The following ROBO1 variants were observed in gnomAD, a reference collection of about 807,000 sequenced individuals.
ROBO1 encodes roundabout homolog 1.
In ROBO1, 149 loss-of-function variants were observed where a neutral mutation model predicts 195.9. The ratio of observed to expected loss-of-function variants is 0.76; its 90% CI spans 0.67 to 0.87. The LOEUF is 0.87. Among genes scored for constraint, ROBO1 ranks in the 40% least tolerant of loss-of-function variants. The pLI, the probability that ROBO1 is intolerant of heterozygous loss-of-function variation, is 0.00. For missense variants in ROBO1, 1,933 were observed against 2,068.3 expected (o/e 0.93, Z 1.27); for synonymous variants, 816 against 733.2 (o/e 1.11, Z -1.82).
At chr3:79,023,671 A>T (rs866649930) in intron 3 of ROBO1, among the ~76,000 whole-genome samples, 1,488 of 114,810 alleles carry the variant, frequency 0.013, 38 homozygotes, top group African/African-American at 0.045. Flanking sequence ...AATAGGGCCA[A>T]TTTTTTTTTT....
At chr3:78,684,521 T>G (rs1327014863) in intron 10 of ROBO1, among the ~76,000 whole-genome samples, 1 of 152,100 alleles carries the variant, frequency 6.6e-6, no homozygotes, top group Non-Finnish European at 1.5e-5. Flanking sequence ...CGTATTATAC[T>G]TCAGTTTACG....
intron 1 of ROBO1, among the ~76,000 whole-genome samples, chr3:79,607,799 A>G (rs1412269844): frequency 1.3e-5 from 2 of 151,956 alleles, no homozygotes; most frequent in Admixed American, 1.3e-4. Context: ...GTCTGTTCAA[A>G]TGCATACTCA....
At chr3:78,665,002 G>T (rs1707650191) in intron 14 of ROBO1, among the ~76,000 whole-genome samples, 1 of 152,126 alleles carries the variant, frequency 6.6e-6, no homozygotes, top group South Asian at 2.1e-4. Context: ...CCATACGGCA[G>T]TCTCTTAAAA....
chr3:78,781,825 T>C (rs987948580), intron 4 of ROBO1, among the ~76,000 whole-genome samples: 3 of 152,184 alleles, frequency 2.0e-5, no homozygotes, highest in African/African-American at 7.2e-5. Flanking sequence ...AAATCACATA[T>C]GATGTTTAAA....
chr3:79,633,529 A>G (rs1380420293), intron 1 of ROBO1, among the ~76,000 whole-genome samples: 2 of 151,882 alleles, frequency 1.3e-5, no homozygotes, highest in Non-Finnish European at 2.9e-5. Flanking sequence ...TGGAAGAAAA[A>G]CTTAATGAAA....
At position 79,057,408 on chromosome 3, in the gene ROBO1, C is replaced by T. The variant is rs142764470; in HGVS notation, c.172+68048G>A. On this transcript the variant is annotated intron_variant, in intron 3 of 30. Transcript: ENST00000464233. ...TCAAGCTTCATGTGAATACTGACAA[C>T]GAAAACCACAAGGAAAAGACATCCG... is the stretch of plus-strand genomic sequence containing the variant. 1.4e-4 allele frequency among the ~76,000 whole-genome samples: 21 copies of T among 152,070 alleles called. No individual in the cohort carries two copies. The East Asian group carries it at 2.9e-3, about 21-fold the overall frequency.
chr3:79,279,960 C>T (rs1255115207), intron 2 of ROBO1, among the ~76,000 whole-genome samples: 2 of 152,120 alleles, frequency 1.3e-5, no homozygotes, highest in Non-Finnish European at 2.9e-5. Flanking sequence ...ATGGATGGAA[C>T]TGAAGGGCAT....
At chr3:78,787,186 G>A (rs761724545) in intron 4 of ROBO1, among the ~76,000 whole-genome samples, 1 of 152,136 alleles carries the variant, frequency 6.6e-6, no homozygotes, top group African/African-American at 2.4e-5. Context: ...ATACTTTGAG[G>A]ATCACTGGCC....
intron 2 of ROBO1, among the ~76,000 whole-genome samples, chr3:79,537,137 T>A (rs950144914): frequency 6.6e-6 from 1 of 152,016 alleles, no homozygotes; most frequent in African/African-American, 2.4e-5. Flanking sequence ...TCAACACTTT[T>A]ATTTCCAAAG....
At chr3:78,639,952 T>TC in intron 21 of ROBO1, 54 bp from the exon 22 acceptor site, 1 of 1,354,758 alleles carries the variant, frequency 7.4e-7, no homozygotes, top group Non-Finnish European at 9.9e-7. Flanking sequence ...GAGTAATATT[T>TC]TCTATTTAAA....
intron 1 of ROBO1, among the ~76,000 whole-genome samples, chr3:79,641,207 T>C (rs1306110271): frequency 6.6e-6 from 1 of 152,148 alleles, no homozygotes; most frequent in Non-Finnish European, 1.5e-5. Flanking sequence ...TAGACATTTA[T>C]TTTTCCTGCC....
At chr3:78,607,073 A>G (rs1172912600) in intron 28 of ROBO1, 32 bp from the exon 29 acceptor site, 1 of 1,568,482 alleles carries the variant, frequency 6.4e-7, no homozygotes, top group Non-Finnish European at 8.7e-7. Context: ...ACTACTGTAA[A>G]AGTCTGCTGC....
At chr3:78,800,744 T>G (rs904491330) in intron 4 of ROBO1, among the ~76,000 whole-genome samples, 8 of 152,068 alleles carry the variant, frequency 5.3e-5, no homozygotes, top group African/African-American at 1.4e-4. Flanking sequence ...TTTTGTATTT[T>G]TAATAGAGAC....
chr3:79,619,481 A>G (rs938017546), intron 1 of ROBO1, among the ~76,000 whole-genome samples: 1 of 152,072 alleles, frequency 6.6e-6, no homozygotes, highest in Non-Finnish European at 1.5e-5. Flanking sequence ...ATGGCCAGAA[A>G]ATGGCACTTT....
chr3:78,640,767 A>G (rs903399753), intron 21 of ROBO1, among the ~76,000 whole-genome samples: 2 of 151,966 alleles, frequency 1.3e-5, no homozygotes, highest in Non-Finnish European at 2.9e-5. Flanking sequence ...ACTTACCTCC[A>G]TTCAGCAAAA....
At chr3:79,351,167 G>C (rs762150897) in intron 2 of ROBO1, among the ~76,000 whole-genome samples, 9 of 151,874 alleles carry the variant, frequency 5.9e-5, no homozygotes, top group Non-Finnish European at 1.3e-4. Context: ...CCTCAACAAG[G>C]CATATAAAAA....
intron 3 of ROBO1, among the ~76,000 whole-genome samples, chr3:78,999,066 A>G (rs1419291615): frequency 6.6e-6 from 1 of 152,114 alleles, no homozygotes; most frequent in Non-Finnish European, 1.5e-5. Flanking sequence ...CAAAAATAAC[A>G]GCTGTTGGCA....
At chr3:78,861,226 C>T (rs1421605559) in intron 4 of ROBO1, among the ~76,000 whole-genome samples, 3 of 152,194 alleles carry the variant, frequency 2.0e-5, no homozygotes, top group African/African-American at 7.2e-5. Flanking sequence ...AATGGCCTCA[C>T]CTTTCCCAGT....
chr3:79,033,608 T>C (rs540273149), intron 3 of ROBO1, among the ~76,000 whole-genome samples: 1 of 152,282 alleles, frequency 6.6e-6, no homozygotes, highest in South Asian at 2.1e-4. Flanking sequence ...CAAAAAGATT[T>C]CTAAAGAATA....
Sources: allele counts gnomAD v4.1 joint callset (sites outside exome capture counted in the v4.1 genomes callset), GRCh38; gene constraint gnomAD v4.1.1; transcripts MANE v1.5; gene names NCBI Gene and HGNC (gene_info 2026-07-23, HGNC 2026-07-21).